The following THG1L variants were observed in gnomAD, a reference collection of about 807,000 sequenced individuals.
THG1L encodes tRNA-histidine guanylyltransferase 1 like, also known as probable tRNA(His) guanylyltransferase.
THG1L carries 27 observed loss-of-function variants against 35.2 expected under a neutral mutation model. The ratio of observed to expected loss-of-function variants is 0.77; its 90% CI spans 0.57 to 1.06. The LOEUF (loss-of-function observed/expected upper bound fraction) is 1.06. THG1L is among the 50% of genes least tolerant of loss of function. The probability of loss-of-function intolerance (pLI) is 0.00; values close to 1 mark genes in which losing one functional copy is unlikely to be tolerated. For synonymous variants in THG1L, 135 were observed against 132.4 expected, an observed-to-expected ratio of 1.02 and a Z score of -0.14; for missense variants, 377 against 371.8, an observed-to-expected ratio of 1.01 and a Z score of -0.12.
At chr5:157,732,214 A>C (rs1213377722) in intron 1 of THG1L, among the ~76,000 whole-genome samples, 3 of 85,484 alleles carry the variant, frequency 3.5e-5, no homozygotes, top group African/African-American at 8.7e-5. Context: ...CTCCGCCACT[A>C]CAAAAAAAAA....
In THG1L at chr5:157,731,573, G is replaced by A. The variant is rs1760717507; in HGVS notation, c.133G>A (p.Asp45Asn). ...FEYVRDFEAD[D>N]TCLAHCWVVV... ...GTACGTGAGGGACTTCGAGGCTGAC[G>A]ACACCTGCCTGGCACACTGCTGGGT... Residue 45 changes from aspartate to asparagine, a missense_variant, in exon 1 of 6, where the codon GAC becomes AAC. Asp to Asn is a conservative substitution (Grantham distance 23). Coordinates refer to ENST00000231198, the MANE Select transcript of THG1L (RefSeq NM_017872.5). 1 of 1,611,800 alleles carries A rather than the reference G, an allele frequency of 6.2e-7. No homozygotes were observed. Among genetic ancestry groups the A allele is most frequent in the Non-Finnish European group, 8.5e-7 (1 of 1,178,936 alleles).
rs145287494 is a variant in THG1L, at chr5:157,734,320, A to G, written c.369-256A>G. ...GGAGAATCACTTGAACCCAGGAGGC[A>G]GAAGTTGCAGTGAGCCAAGATGGTG... On this transcript the variant is annotated intron_variant, in intron 2 of 5. Transcript: ENST00000231198. Among the ~76,000 whole-genome samples the G allele has an allele frequency of 5.4e-3, 829 of 152,300 alleles. 8 individuals carry two copies. The highest frequency in any genetic ancestry group is 0.019 in the African/African-American group (796 of 41,556).
At position 157,739,502 on chromosome 5, in the gene THG1L, T is replaced by G. The variant is rs753263501; in HGVS notation, c.*20T>G. On this transcript the variant is annotated 3_prime_UTR_variant, in exon 6 of 6. Transcript: ENST00000231198. ...AGCTGACCCTTTTGCGCTTCAGTTC[T>G]GGTGTGCTTAACCATGCAAGCCCTC... 1.2e-6 allele frequency: 2 copies of G among 1,606,606 alleles called. No individual in the cohort carries two copies. Among genetic ancestry groups the G allele is most frequent in the Admixed American group, 3.4e-5 (2 of 58,898 alleles).
Position 157,738,007 on chromosome 5 carries a change from T to G in THG1L, c.735+13T>G, listed in dbSNP as rs375528691. On this transcript the variant is annotated intron_variant, in intron 5 of 5. Coordinates refer to ENST00000231198, the MANE Select transcript of THG1L (RefSeq NM_017872.5). The stretch of plus-strand genomic sequence containing the variant: ...GATATGGCAGAAGGTAATGCTGTTA[T>G]GTTCAAAGAAAAATGGAAGTCAGGA... 6.3e-7 allele frequency: 1 copy of G among 1,596,858 alleles called. No individual in the cohort carries two copies. Among genetic ancestry groups the G allele is most frequent in the African/African-American group, 1.3e-5 (1 of 74,262 alleles).
In THG1L at chr5:157,740,170, T is replaced by C. The variant is rs1212722715; in HGVS notation, c.*688T>C. On this transcript the variant is annotated 3_prime_UTR_variant, in exon 6 of 6. Coordinates refer to ENST00000231198, the MANE Select transcript of THG1L (RefSeq NM_017872.5). ...ATAGTTGCCAAGGCCATTTACCTCT[T>C]TCTAAGAAGAAACAGAATTATGTGT... is the stretch of plus-strand genomic sequence containing the variant. The C allele has an allele frequency of 6.6e-6, 1 of 152,186 alleles. No individual in the cohort carries two copies. The highest frequency in any genetic ancestry group is 2.4e-5 in the African/African-American group (1 of 41,448). 9.4% of individuals were successfully genotyped at this position (152,186 alleles called of 1,614,324 possible). A position where few individuals can be genotyped will look rare whatever the true frequency, so the allele number is the denominator to read the frequency against.
chr5:157,731,732 A>T, intron 1 of THG1L, 101 bp downstream of exon 1: 2 of 1,429,744 alleles, frequency 1.4e-6, no homozygotes. Context: ...CACGGTTACC[A>T]GGGTAACGCG....
At chr5:157,733,279 G>A (rs1760778122) in intron 2 of THG1L, among the ~76,000 whole-genome samples, 1 of 152,144 alleles carries the variant, frequency 6.6e-6, no homozygotes, top group Non-Finnish European at 1.5e-5. Flanking sequence ...TTTCTAGACT[G>A]ACCTGGCATT....
chr5:157,737,853 G>A (rs1157228014), intron 4 of THG1L, 34 bp from the exon 5 acceptor site: 4 of 1,561,764 alleles, frequency 2.6e-6, no homozygotes, highest in Non-Finnish European at 1.8e-6. Flanking sequence ...AAGAAGACAT[G>A]CAGAGCTTTT....
At position 157,741,365 on chromosome 5, in the gene THG1L, A is replaced by G. The variant is rs1025220948; in HGVS notation, c.*1883A>G. On this transcript the variant is annotated 3_prime_UTR_variant, in exon 6 of 6. Transcript: ENST00000231198. ...TGCCATTTTTTCCCTTCCTGTTCTC[A>G]CTCCACAGAAAGAGGAGATACGGTT... 2.6e-5 allele frequency: 4 copies of G among 151,820 alleles called. No homozygotes were observed. Among genetic ancestry groups the G allele is most frequent in the African/African-American group, 9.7e-5 (4 of 41,276 alleles). The allele number at this position is 151,820 out of a possible 1,614,324, so 9.4% of individuals were successfully genotyped here. A position where few individuals can be genotyped will look rare whatever the true frequency, so the allele number is the denominator to read the frequency against.
At chr5:157,731,652 G>A (rs369355914) in intron 1 of THG1L, 21 bp downstream of exon 1, 3 of 1,576,586 alleles carry the variant, frequency 1.9e-6, no homozygotes, top group Admixed American at 1.8e-5. Flanking sequence ...TCGACTCGGG[G>A]CGTCGCGATG....
At chr5:157,732,833 C>T in intron 1 of THG1L, 35 bp from the exon 2 acceptor site, 1 of 1,612,602 alleles carries the variant, frequency 6.2e-7, no homozygotes, top group South Asian at 1.1e-5. Flanking sequence ...TGACAGGCTT[C>T]CATCCATGCT....
intron 1 of THG1L, 82 bp downstream of exon 1, chr5:157,731,713 CGCTCCAGTCACGGTTACCAGGGT>C (rs1334291972): frequency 3.3e-6 from 5 of 1,495,890 alleles, no homozygotes; most frequent in Non-Finnish European, 3.6e-6. Context: ...TCCTCCCGCC[CGCTCCAGTCACGGTTACCAGGGT>C]AACGCGGTAG....
In THG1L at chr5:157,732,942, C is replaced by T; in HGVS notation, c.266C>T (p.Thr89Ile). 1 of 1,614,174 alleles carries T rather than the reference C, an allele frequency of 6.2e-7. No homozygotes were observed. Among genetic ancestry groups the T allele is most frequent in the Non-Finnish European group, 8.5e-7 (1 of 1,180,038 alleles). Residue 89 changes from threonine (T) to isoleucine (I), a missense_variant, in exon 2 of 6, where the codon ACT (threonine) becomes ATT (isoleucine). Physicochemically the swap from Thr to Ile is moderately conservative, Grantham distance 89. Transcript: ENST00000231198. ...ALQLMTKCAQ[T>I]VMEELEDIVI... ...CAGCTGATGACCAAATGTGCGCAGA[C>T]TGTGATGGAAGAACTAGAGGATATT... is the stretch of plus-strand genomic sequence containing the variant.
chr5:157,737,832 A>C, intron 4 of THG1L, 55 bp from the exon 5 acceptor site: 1 of 1,405,890 alleles, frequency 7.1e-7, no homozygotes, highest in Non-Finnish European at 1.0e-6. Context: ...GGATAGTAGC[A>C]CTAGGGGAGA....
intron 1 of THG1L, among the ~76,000 whole-genome samples, chr5:157,732,196 T>C (rs1424972119): frequency 7.8e-6 from 1 of 128,038 alleles, no homozygotes; most frequent in Non-Finnish European, 1.6e-5. Flanking sequence ...TGGTTGTTGT[T>C]TGTGAAACTC....
intron 4 of THG1L, among the ~76,000 whole-genome samples, chr5:157,736,998 A>G (rs923065598): frequency 7.9e-5 from 12 of 151,452 alleles, no homozygotes; most frequent in Admixed American, 6.6e-4. Context: ...GGTTCTTGCT[A>G]TTTTCCCCAG....
intron 1 of THG1L, among the ~76,000 whole-genome samples, chr5:157,732,532 ATAAC>A (rs1426955070): frequency 6.6e-6 from 1 of 152,198 alleles, no homozygotes; most frequent in Non-Finnish European, 1.5e-5. Context: ...AATGATTATT[ATAAC>A]TAACATTTAT....
At chr5:157,733,616 CCA>C (rs1206805968) in intron 2 of THG1L, among the ~76,000 whole-genome samples, 2 of 151,976 alleles carry the variant, frequency 1.3e-5, no homozygotes, top group Non-Finnish European at 2.9e-5. Flanking sequence ...CAGACATGAG[CCA>C]CCACGCCCAG....
chr5:157,736,447 A>AC (rs1337573037), intron 4 of THG1L, among the ~76,000 whole-genome samples: 3 of 152,086 alleles, frequency 2.0e-5, no homozygotes, highest in African/African-American at 7.2e-5. Flanking sequence ...ACAGGGTTTC[A>AC]CCCCGTTGGC....
Sources: gnomAD v4.1 joint callset for allele counts (sites outside exome capture counted in the v4.1 genomes callset) on GRCh38, gnomAD v4.1.1 for gene constraint, MANE v1.5 for transcripts, NCBI Gene and HGNC (gene_info 2026-07-23, HGNC 2026-07-21) for gene names.